RERE: variants seen among roughly 807,000 people sequenced by gnomAD.
RERE encodes the protein arginine-glutamic acid dipeptide repeats protein.
In RERE, 40 loss-of-function variants were observed where a neutral mutation model predicts 146.1. The observed-to-expected ratio is 0.27, with a 90% confidence interval of 0.21 to 0.36. The LOEUF is 0.36. Ranked by LOEUF, RERE falls within the 10% of genes least tolerant of loss-of-function variation. The pLI, the probability that RERE is intolerant of heterozygous loss-of-function variation, is 1.00. For synonymous variants in RERE, 1,003 were observed against 866.0 expected (o/e 1.16, Z -2.78); for missense variants, 1,933 against 2,138.7 (o/e 0.90, Z 1.90).
Position 8,359,812 on chromosome 1 carries a change from CTTCTCCTTCTCCTTCTCCCGCTCT to C in RERE, c.3546_3569del (p.Lys1186_Glu1193del). The C allele has an allele frequency of 6.3e-7, 1 of 1,593,660 alleles. No individual in the cohort carries two copies. Among genetic ancestry groups the C allele is most frequent in the Non-Finnish European group, 8.5e-7 (1 of 1,170,462 alleles). On this transcript the variant is annotated inframe_deletion, in exon 19 of 23. Transcript: ENST00000400908. The stretch of plus-strand genomic sequence containing the variant: ...CCCGCTCTCGCTCCCGCTCCCGCTC[CTTCTCCTTCTCCTTCTCCCGCTCT>C]CGCTCCTCTCGGGCTTTCTGCTCAG...
At position 8,657,029 on chromosome 1, in the gene RERE, G is replaced by A. The variant is rs556991941; in HGVS notation, c.-144-588C>T. Among the ~76,000 whole-genome samples, 6 of 152,130 alleles carry A rather than the reference G, an allele frequency of 3.9e-5. No homozygotes were observed. The East Asian group carries it at 7.7e-4, about 20-fold the overall frequency. On this transcript the variant is annotated intron_variant, in intron 1 of 22. Coordinates refer to ENST00000400908, the MANE Select transcript of RERE (RefSeq NM_001042681.2). ...AAAAATGTCTCAGGATAGGCCGGGCGCGGTGGCTCACGCCTGTAATCCCAG... is the reference window on the plus strand; with the variant it reads ...AAAAATGTCTCAGGATAGGCCGGGCACGGTGGCTCACGCCTGTAATCCCAG...
chr1:8,710,881 T>C (rs996475181), intron 1 of RERE, among the ~76,000 whole-genome samples: 1 of 151,628 alleles, frequency 6.6e-6, no homozygotes, highest in Non-Finnish European at 1.5e-5. Flanking sequence ...ACTACTGGGA[T>C]TACAGTAGCA....
chr1:8,572,753 C>G (rs1646237291), intron 4 of RERE, among the ~76,000 whole-genome samples: 1 of 152,162 alleles, frequency 6.6e-6, no homozygotes, highest in African/African-American at 2.4e-5. Flanking sequence ...TACCAATTCC[C>G]CCAACCCTCT....
chr1:8,618,958 T>C (rs575525372), intron 3 of RERE, among the ~76,000 whole-genome samples: 10 of 152,250 alleles, frequency 6.6e-5, no homozygotes, highest in Non-Finnish European at 1.5e-4. Context: ...GAATAAAGGG[T>C]AGTGAGTAGC....
intron 4 of RERE, among the ~76,000 whole-genome samples, chr1:8,566,489 G>A (rs995277957): frequency 5.9e-5 from 9 of 151,926 alleles, no homozygotes; most frequent in Non-Finnish European, 8.8e-5. Context: ...GTGTGGTGGC[G>A]ACCGCCTGTA....
chr1:8,728,239 A>T (rs1408750834), intron 1 of RERE, among the ~76,000 whole-genome samples: 6 of 152,262 alleles, frequency 3.9e-5, no homozygotes, highest in Admixed American at 1.3e-4. Flanking sequence ...CAATGTGCTA[A>T]GGAATCCAAG....
intron 1 of RERE, among the ~76,000 whole-genome samples, chr1:8,780,628 TG>T (rs1447116029): frequency 6.6e-6 from 1 of 152,176 alleles, no homozygotes; most frequent in Non-Finnish European, 1.5e-5. Flanking sequence ...TTTCACCCGC[TG>T]GAAATAGAAA....
In RERE at chr1:8,362,729, G is replaced by A. The variant is rs1641634089; in HGVS notation, c.1856C>T (p.Thr619Ile). The A allele has an allele frequency of 1.9e-6, 3 of 1,614,118 alleles. No homozygotes were observed. Among genetic ancestry groups the A allele is most frequent in the Non-Finnish European group, 2.5e-6 (3 of 1,180,054 alleles). The stretch of plus-strand genomic sequence containing the variant: ...CTCTGCTTTACTGTCATTGCTGGAG[G>A]TACTGGCAGCGCTGGGGGAGTTCCG... ...SGRNSPSAAS[T>I]SSNDSKAETV... The change falls in exon 16 of 23, where the codon ACC becomes ATC. Residue 619 changes from threonine to isoleucine, a missense_variant. By Grantham distance (89) the Thr-to-Ile change is moderately conservative. Around this residue, in one of 11 missense-constraint regions of RERE, gnomAD observed 1,255 missense variants for 1,153.8 expected, o/e 1.09. Coordinates refer to ENST00000400908, the MANE Select transcript of RERE (RefSeq NM_001042681.2).
At chr1:8,765,836 C>T (rs973249258) in intron 1 of RERE, among the ~76,000 whole-genome samples, 7 of 152,184 alleles carry the variant, frequency 4.6e-5, no homozygotes, top group South Asian at 2.1e-4. Context: ...CCTGCAATCC[C>T]GGCTACCCGG....
Position 8,442,000 on chromosome 1 carries a change from T to C in RERE, c.1204-19193A>G, listed in dbSNP as rs543978620. ...GGACACTGGACTTTCAAACATAAAA[T>C]GTATCATCTTAGTATAAAGTCCCTG... On this transcript the variant is annotated intron_variant, in intron 11 of 22. Coordinates refer to ENST00000400908, the MANE Select transcript of RERE (RefSeq NM_001042681.2). 6.7e-4 allele frequency among the ~76,000 whole-genome samples: 101 copies of C among 151,228 alleles called. 2 individuals carry two copies. The South Asian group carries it at 0.019, about 29-fold the overall frequency.
intron 2 of RERE, among the ~76,000 whole-genome samples, chr1:8,647,054 C>T (rs1186197177): frequency 6.6e-6 from 1 of 152,206 alleles, no homozygotes; most frequent in Non-Finnish European, 1.5e-5. Context: ...CCATAGCACA[C>T]CATCCTGGGC....
chr1:8,807,302 C>A (rs1337041962), intron 1 of RERE, among the ~76,000 whole-genome samples: 2 of 152,154 alleles, frequency 1.3e-5, no homozygotes, highest in South Asian at 2.1e-4. Flanking sequence ...GAGCCTCCTG[C>A]CTCGACCTCC....
intron 9 of RERE, 112 bp downstream of exon 9, chr1:8,497,293 C>G: frequency 8.6e-7 from 1 of 1,166,226 alleles, no homozygotes; most frequent in Non-Finnish European, 1.2e-6. Flanking sequence ...AACTTAAAGT[C>G]AGAGAACGCC....
intron 2 of RERE, among the ~76,000 whole-genome samples, chr1:8,626,913 T>C (rs563159653): frequency 1.3e-5 from 2 of 152,266 alleles, no homozygotes; most frequent in East Asian, 1.9e-4. Context: ...AACTAATAGG[T>C]CCCTTTCTAA....
rs762421610 is a variant in RERE, at chr1:8,364,807, G to A, written c.1479C>T (p.Phe493=). The A allele has an allele frequency of 1.4e-4, 218 of 1,611,142 alleles. No individual in the cohort carries two copies. The highest frequency in any genetic ancestry group is 1.7e-4 in the Non-Finnish European group (206 of 1,178,752). Residue 493 remains phenylalanine, a synonymous_variant, in exon 14 of 23, where the codon TTC becomes TTT. Coordinates refer to ENST00000400908, the MANE Select transcript of RERE (RefSeq NM_001042681.2). This position sits in a 1 kb window ranked among gnomAD's most constrained non-coding sequence, Gnocchi z 5.1. ...LDLSSASEDD[F]DSEDSEQELK... ...GCTCCTGCTCACTGTCCTCACTGTC[G>A]AAGTCATCTTCACTGGCTGAACTTA...
chr1:8,713,501 A>T (rs1639706895), intron 1 of RERE, among the ~76,000 whole-genome samples: 1 of 152,154 alleles, frequency 6.6e-6, no homozygotes, highest in African/African-American at 2.4e-5. Context: ...TGGGAGGCTG[A>T]GGTGGGCGGA....
chr1:8,757,887 T>C (rs1272480907), intron 1 of RERE, among the ~76,000 whole-genome samples: 1 of 135,312 alleles, frequency 7.4e-6, no homozygotes, highest in Non-Finnish European at 1.7e-5. Context: ...CACATACATA[T>C]GTATACACAC....
chr1:8,764,226 G>C (rs1020103705), intron 1 of RERE, among the ~76,000 whole-genome samples: 4 of 152,040 alleles, frequency 2.6e-5, no homozygotes, highest in African/African-American at 9.7e-5. Context: ...AGTACACATG[G>C]GTTTTGCCTC....
intron 12 of RERE, among the ~76,000 whole-genome samples, chr1:8,397,409 A>T (rs1288696804): frequency 2.1e-5 from 3 of 145,690 alleles, no homozygotes. Flanking sequence ...GAGGAACTTA[A>T]ATTTTACAGC....
Sources: gnomAD v4.1 joint callset for allele counts (sites outside exome capture counted in the v4.1 genomes callset) on GRCh38, gnomAD v4.1.1 for gene constraint, gnomAD v4.1.1 regional missense constraint, Gnocchi (gnomAD v3.1) non-coding constraint, MANE v1.5 for transcripts, NCBI Gene and HGNC (gene_info 2026-07-23, HGNC 2026-07-21) for gene names.